FMN1: variants seen among roughly 807,000 people sequenced by gnomAD.
FMN1 encodes the protein formin 1.
A neutral mutation model predicts 132.4 loss-of-function variants in FMN1; 110 were observed. The ratio of observed to expected loss-of-function variants is 0.83; its 90% CI spans 0.71 to 0.97. The LOEUF (loss-of-function observed/expected upper bound fraction) is 0.97. Ranked by LOEUF, FMN1 falls within the 50% of genes least tolerant of loss-of-function variation. FMN1 has a pLI of 0.00. For missense variants in FMN1, 1,792 were observed against 1,705.3 expected (o/e 1.05, Z -0.90); for synonymous variants, 722 against 651.7 (o/e 1.11, Z -1.64).
At position 32,905,526 on chromosome 15, in the gene FMN1, T is replaced by TAAGAGTC. The variant is rs554880763; in HGVS notation, c.3377+2957_3377+2963dup. Among the ~76,000 whole-genome samples, 40 of 152,262 alleles carry TAAGAGTC rather than the reference T, an allele frequency of 2.6e-4. No individual in the cohort carries two copies. In the South Asian group the frequency reaches 8.3e-3, roughly 32 times the overall value. The stretch of plus-strand genomic sequence containing the variant: ...ACCTCACAACCATTACCCGGCAGCA[T>TAAGAGTC]AAGAGTCAACGGCCATCCCTAGAGG... On this transcript the variant is annotated intron_variant, in intron 12 of 20. Transcript: ENST00000616417.
At chr15:32,818,320 C>T (rs976060277) in intron 17 of FMN1, among the ~76,000 whole-genome samples, 2 of 151,830 alleles carry the variant, frequency 1.3e-5, no homozygotes, top group Non-Finnish European at 2.9e-5. Context: ...AAAAATTAGC[C>T]TTTATTTCAA....
At chr15:32,979,613 A>T (rs2032492027) in intron 7 of FMN1, among the ~76,000 whole-genome samples, 1 of 151,286 alleles carries the variant, frequency 6.6e-6, no homozygotes, top group Non-Finnish European at 1.5e-5. Flanking sequence ...CTCACATTCT[A>T]GGTAGAAACA....
intron 3 of FMN1, among the ~76,000 whole-genome samples, chr15:33,172,191 G>C (rs1417699245): frequency 6.6e-6 from 1 of 151,146 alleles, no homozygotes; most frequent in African/African-American, 2.4e-5. Flanking sequence ...CTGGGTGGCA[G>C]AGCGAGACTC....
intron 7 of FMN1, among the ~76,000 whole-genome samples, chr15:32,978,022 G>T (rs577685167): frequency 6.6e-6 from 1 of 151,838 alleles, no homozygotes; most frequent in African/African-American, 2.4e-5. Context: ...ACGCCCTGCT[G>T]ATTTTTTTAT....
At chr15:32,938,971 C>T (rs905010795) in intron 9 of FMN1, among the ~76,000 whole-genome samples, 1 of 152,020 alleles carries the variant, frequency 6.6e-6, no homozygotes, top group African/African-American at 2.4e-5. Context: ...TTACAAAGAG[C>T]CTGCTGTACA....
intron 9 of FMN1, among the ~76,000 whole-genome samples, chr15:32,946,746 T>C (rs1169433237): frequency 6.6e-6 from 1 of 152,032 alleles, no homozygotes; most frequent in African/African-American, 2.4e-5. Flanking sequence ...CTGTGGGAGG[T>C]AGAATGCCAG....
At chr15:33,067,958 C>T in intron 5 of FMN1, 1 of 1,518,216 alleles carries the variant, frequency 6.6e-7, no homozygotes, top group Non-Finnish European at 8.7e-7. Context: ...TCCACTCCAT[C>T]TGCTCTTAAT....
intron 6 of FMN1, among the ~76,000 whole-genome samples, chr15:33,056,045 A>G (rs1320879581): frequency 6.6e-6 from 1 of 152,204 alleles, no homozygotes; most frequent in African/African-American, 2.4e-5. Flanking sequence ...GAAAAACCAA[A>G]CACACCAAAT....
chr15:33,157,583 C>T (rs4350544), intron 3 of FMN1, among the ~76,000 whole-genome samples: 130,625 of 152,214 alleles, frequency 0.86, 56,678 homozygotes, highest in Middle Eastern at 0.9. Flanking sequence ...TACTAACAAA[C>T]TGGTTTTCCA....
At chr15:32,974,060 C>T (rs952381125) in intron 7 of FMN1, among the ~76,000 whole-genome samples, 42 of 152,166 alleles carry the variant, frequency 2.8e-4, no homozygotes, top group Admixed American at 6.5e-4. Context: ...ACAAAGGAAA[C>T]TACAGATAAT....
chr15:32,806,673 G>A (rs1039660564), intron 17 of FMN1, among the ~76,000 whole-genome samples: 8 of 152,086 alleles, frequency 5.3e-5, no homozygotes, highest in Admixed American at 6.5e-5. Flanking sequence ...TTCCAGCTTC[G>A]CTGGCAGCTG....
At chr15:32,785,715 A>G (rs58233980) in intron 19 of FMN1, among the ~76,000 whole-genome samples, 1,814 of 152,252 alleles carry the variant, frequency 0.012, 34 homozygotes, top group African/African-American at 0.041. Context: ...TTGGCCTCTA[A>G]TGCTACTAGC....
At chr15:32,966,499 AGAG>A (rs2031244981) in intron 8 of FMN1, among the ~76,000 whole-genome samples, 1 of 152,096 alleles carries the variant, frequency 6.6e-6, no homozygotes, top group South Asian at 2.1e-4. Context: ...AGAGAGAGAA[AGAG>A]GAGGAGGAAA....
intron 6 of FMN1, among the ~76,000 whole-genome samples, chr15:33,019,046 G>A (rs1596483013): frequency 1.3e-5 from 2 of 152,180 alleles, no homozygotes; most frequent in South Asian, 2.1e-4. Flanking sequence ...GACCTGAGCG[G>A]GTTACCACTG....
At chr15:32,886,622 G>C (rs954307737) in intron 16 of FMN1, among the ~76,000 whole-genome samples, 4 of 152,214 alleles carry the variant, frequency 2.6e-5, no homozygotes, top group Non-Finnish European at 5.9e-5. Context: ...GAAGGGAAAA[G>C]ATCAAACAGG....
intron 6 of FMN1, among the ~76,000 whole-genome samples, chr15:33,015,085 A>AG (rs1195810245): frequency 6.6e-6 from 1 of 152,200 alleles, no homozygotes; most frequent in Non-Finnish European, 1.5e-5. Context: ...ACCACATGCT[A>AG]GTTAAGTGCC....
At chr15:32,947,733 A>G (rs1239359898) in intron 9 of FMN1, among the ~76,000 whole-genome samples, 2 of 152,032 alleles carry the variant, frequency 1.3e-5, no homozygotes, top group African/African-American at 4.8e-5. Flanking sequence ...ATATTTGCTT[A>G]GATTTATTCT....
chr15:33,038,692 T>A (rs923288158), intron 6 of FMN1, among the ~76,000 whole-genome samples: 1 of 152,230 alleles, frequency 6.6e-6, no homozygotes, highest in East Asian at 1.9e-4. Context: ...ATAAATTATT[T>A]GGAATTATCC....
At chr15:33,042,451 A>C (rs1566858447) in intron 6 of FMN1, among the ~76,000 whole-genome samples, 1 of 152,226 alleles carries the variant, frequency 6.6e-6, no homozygotes, top group South Asian at 2.1e-4. Context: ...GAGGAAAAAA[A>C]CAAATTGAGG....
Sources: gnomAD v4.1 joint callset for allele counts (sites outside exome capture counted in the v4.1 genomes callset) on GRCh38, gnomAD v4.1.1 for gene constraint, MANE v1.5 for transcripts, NCBI Gene and HGNC (gene_info 2026-07-23, HGNC 2026-07-21) for gene names.